ARHGEF26: variants seen among roughly 807,000 people sequenced by gnomAD.
ARHGEF26 encodes the protein Rho guanine nucleotide exchange factor (GEF) 26.
In ARHGEF26, 59 loss-of-function variants were observed where a neutral mutation model predicts 89.4. The ratio of observed to expected loss-of-function variants is 0.66; its 90% CI spans 0.54 to 0.82. ARHGEF26 has a LOEUF of 0.82. Among genes scored for constraint, ARHGEF26 ranks in the 40% least tolerant of loss-of-function variants. ARHGEF26 has a pLI of 0.00. For missense variants in ARHGEF26, 1,234 were observed against 1,085.6 expected (o/e 1.14, Z -1.92); for synonymous variants, 500 against 428.4 (o/e 1.17, Z -2.06).
At chr3:154,204,769 C>T (rs1714909307) in intron 9 of ARHGEF26, among the ~76,000 whole-genome samples, 1 of 151,894 alleles carries the variant, frequency 6.6e-6, no homozygotes, top group African/African-American at 2.4e-5. Context: ...TTAATTTTTT[C>T]TTTAACCTAC....
intron 4 of ARHGEF26, among the ~76,000 whole-genome samples, chr3:154,132,071 C>T (rs1474545953): frequency 6.6e-6 from 1 of 152,060 alleles, no homozygotes; most frequent in African/African-American, 2.4e-5. Context: ...TGTTGCTTGG[C>T]AATTAAATTT....
At chr3:154,166,925 C>G (rs2108129726) in intron 6 of ARHGEF26, among the ~76,000 whole-genome samples, 1 of 152,274 alleles carries the variant, frequency 6.6e-6, no homozygotes, top group East Asian at 1.9e-4. Flanking sequence ...CATACAAGTA[C>G]AGTTTTTTTA....
chr3:154,203,930 A>G (rs1236646807), intron 9 of ARHGEF26, among the ~76,000 whole-genome samples: 2 of 151,488 alleles, frequency 1.3e-5, no homozygotes, highest in African/African-American at 2.4e-5. Context: ...TTGCATTAAT[A>G]TTAATCATAG....
intron 9 of ARHGEF26, among the ~76,000 whole-genome samples, chr3:154,206,047 C>T (rs1211102234): frequency 6.6e-6 from 1 of 151,890 alleles, no homozygotes; most frequent in Non-Finnish European, 1.5e-5. Context: ...GAAGTACTTC[C>T]TTTAGCATTT....
chr3:154,192,030 A>G (rs570631619), intron 8 of ARHGEF26, among the ~76,000 whole-genome samples: 2 of 152,332 alleles, frequency 1.3e-5, no homozygotes, highest in Admixed American at 6.5e-5. Context: ...TCTGCCTAGT[A>G]GTACGTGCAG....
chr3:154,201,277 G>T (rs371563024), intron 9 of ARHGEF26, among the ~76,000 whole-genome samples: 2 of 151,680 alleles, frequency 1.3e-5, no homozygotes, highest in South Asian at 4.2e-4. Flanking sequence ...CCTTGAGATA[G>T]TTTGCTGAGA....
intron 4 of ARHGEF26, among the ~76,000 whole-genome samples, chr3:154,143,507 T>C: frequency 6.6e-6 from 1 of 152,346 alleles, no homozygotes; most frequent in East Asian, 1.9e-4. Flanking sequence ...TTCTTGTTGT[T>C]AATCATGTGT....
chr3:154,187,588 T>G (rs1178989039), intron 6 of ARHGEF26, 97 bp from the exon 7 acceptor site: 37 of 1,122,812 alleles, frequency 3.3e-5, no homozygotes, highest in Non-Finnish European at 4.3e-5. Flanking sequence ...ACTGTTGAAT[T>G]TTCAAACCCC....
At chr3:154,170,932 C>G (rs912660393) in intron 6 of ARHGEF26, among the ~76,000 whole-genome samples, 22 of 152,120 alleles carry the variant, frequency 1.4e-4, no homozygotes, top group African/African-American at 5.3e-4. Flanking sequence ...CTGTAAATAC[C>G]TGTTGGGACG....
intron 5 of ARHGEF26, among the ~76,000 whole-genome samples, chr3:154,150,446 T>C (rs1719954545): frequency 6.6e-6 from 1 of 152,136 alleles, no homozygotes; most frequent in South Asian, 2.1e-4. Context: ...TACACACACA[T>C]ATTTGTGCAT....
In ARHGEF26 at chr3:154,255,793, T is replaced by C. The variant is rs760328213; in HGVS notation, c.*320T>C. 9.0e-7 allele frequency: 1 copy of C among 1,107,968 alleles called. No individual in the cohort carries two copies. 68.6% of individuals were successfully genotyped at this position (1,107,968 alleles called of 1,614,324 possible). ...TGTTCTGGCAATAAAAAACACATAT[T>C]ATATCCTGGTTTTCTCTATCCTTGC... On this transcript the variant is annotated 3_prime_UTR_variant, in exon 15 of 15. Transcript: ENST00000465093.
chr3:154,187,797 A>C lies in ARHGEF26; in HGVS notation c.1600A>C (p.Thr534Pro). The C allele has an allele frequency of 6.2e-7, 1 of 1,610,990 alleles. No homozygotes were observed. The highest frequency in any genetic ancestry group is 8.5e-7 in the Non-Finnish European group (1 of 1,178,212). ...ATTTGACCCATATGTGAAATACTGC[A>C]CAAATGAAGTCTACCAACAACGAAC... ...STFDPYVKYC[T>P]NEVYQQRTLQ... The change falls in exon 7 of 15, where the codon ACA (threonine) becomes CCA (proline). Residue 534 changes from threonine to proline, a missense_variant. Thr to Pro is a conservative substitution (Grantham distance 38, BLOSUM62 -1). Coordinates refer to ENST00000465093, the MANE Select transcript of ARHGEF26 (RefSeq NM_015595.4).
At position 154,256,701 on chromosome 3, in the gene ARHGEF26, G is replaced by A. The variant is rs939510726; in HGVS notation, c.*1228G>A. ...TGGAACACACTACAGTAATCTCAAG[G>A]AAGGGAAAATTAGGCCTTAAAAGAT... On this transcript the variant is annotated 3_prime_UTR_variant, in exon 15 of 15. Transcript: ENST00000465093. 15 of 1,326,598 alleles carry A rather than the reference G, an allele frequency of 1.1e-5. No homozygotes were observed. Among genetic ancestry groups the A allele is most frequent in the Non-Finnish European group, 1.4e-5 (15 of 1,043,638 alleles). 82.2% of individuals were successfully genotyped at this position (1,326,598 alleles called of 1,614,324 possible). A position where few individuals can be genotyped will look rare whatever the true frequency, so the allele number is the denominator to read the frequency against.
At position 154,122,518 on chromosome 3, in the gene ARHGEF26, A is replaced by G. The variant is rs372071551; in HGVS notation, c.526A>G (p.Asn176Asp). 47 of 1,613,296 alleles carry G rather than the reference A, an allele frequency of 2.9e-5. No homozygotes were observed. Among genetic ancestry groups the G allele is most frequent in the Middle Eastern group, 1.6e-4 (1 of 6,084 alleles). Reference sequence around the variant, plus strand: ...CAGCCCGGTGCCTTCGCCCACTGCAAATGGCCTTGCCGCTAATAACGACTC... The same window carrying G: ...CAGCCCGGTGCCTTCGCCCACTGCAGATGGCCTTGCCGCTAATAACGACTC... The part of the protein sequence containing the change: ...TASPVPSPTA[N>D]GLAANNDSPG... Residue 176 changes from asparagine (N) to aspartate (D), a missense_variant, in exon 2 of 15, where the codon AAT becomes GAT. Coordinates refer to ENST00000465093, the MANE Select transcript of ARHGEF26 (RefSeq NM_015595.4).
At chr3:154,216,449 C>G (rs1279590351) in intron 9 of ARHGEF26, among the ~76,000 whole-genome samples, 1 of 148,680 alleles carries the variant, frequency 6.7e-6, no homozygotes, top group Non-Finnish European at 1.5e-5. Flanking sequence ...CTGTTAGGCT[C>G]CCCTGCAAGA....
chr3:154,173,646 G>C (rs1712610552), intron 6 of ARHGEF26, among the ~76,000 whole-genome samples: 1 of 152,160 alleles, frequency 6.6e-6, no homozygotes, highest in Admixed American at 6.5e-5. Context: ...GTTAATATGA[G>C]AAACTTTTCA....
In ARHGEF26 at chr3:154,255,326, C is replaced by T; in HGVS notation, c.2474-5C>T. 1 of 1,610,174 alleles carries T rather than the reference C, an allele frequency of 6.2e-7. No homozygotes were observed. Among genetic ancestry groups the T allele is most frequent in the Non-Finnish European group, 8.5e-7 (1 of 1,178,188 alleles). The stretch of plus-strand genomic sequence containing the variant: ...GTTTGGTGTGGACTCTGTTCTTTTT[C>T]ACAGGCTGGTATGAGGGGGAACGAC... On this transcript the variant is annotated splice_polypyrimidine_tract_variant and splice_region_variant and intron_variant, in intron 14 of 14. Transcript: ENST00000465093.
At chr3:154,250,284 C>G (rs1718052827) in intron 12 of ARHGEF26, among the ~76,000 whole-genome samples, 1 of 152,122 alleles carries the variant, frequency 6.6e-6, no homozygotes, top group Non-Finnish European at 1.5e-5. Flanking sequence ...GCCTCGGCCT[C>G]CAAAAGTGCT....
intron 9 of ARHGEF26, among the ~76,000 whole-genome samples, chr3:154,216,371 A>G (rs968354875): frequency 1.3e-5 from 2 of 151,846 alleles, no homozygotes; most frequent in Non-Finnish European, 2.9e-5. Context: ...TTTATAGATA[A>G]TTTAGTGCTT....
Sources: allele counts gnomAD v4.1 joint callset (sites outside exome capture counted in the v4.1 genomes callset), GRCh38; gene constraint gnomAD v4.1.1; transcripts MANE v1.5; gene names NCBI Gene and HGNC (gene_info 2026-07-23, HGNC 2026-07-21).